Variants in ABCC11 observed in about 807,000 individuals in gnomAD.
The protein encoded by ABCC11 is ATP-binding cassette sub-family C member 11.
A neutral mutation model predicts 149.3 loss-of-function variants in ABCC11; 135 were observed. That is an observed-to-expected ratio of 0.90 (90% CI 0.79 to 1.04). The LOEUF (loss-of-function observed/expected upper bound fraction) is 1.04, where lower values mean the gene tolerates loss of function less well. Among genes scored for constraint, ABCC11 ranks in the 50% least tolerant of loss-of-function variants. ABCC11 has a pLI of 0.00. For missense variants in ABCC11, 1,680 were observed against 1,722.1 expected (o/e 0.98, Z 0.43); for synonymous variants, 665 against 671.4 (o/e 0.99, Z 0.15).
intron 24 of ABCC11, among the ~76,000 whole-genome samples, chr16:48,177,452 G>C (rs1446787395): frequency 6.6e-6 from 1 of 152,268 alleles, no homozygotes; most frequent in Non-Finnish European, 1.5e-5. Context: ...GGGGTTCATA[G>C]CTCAGAGCCC....
At position 48,206,709 on chromosome 16, in the gene ABCC11, C is replaced by A. The variant is rs148197587; in HGVS notation, c.1681-1172G>T. The stretch of plus-strand genomic sequence containing the variant: ...GTGGTCTTGCCTGGAGGCTGCCAGG[C>A]AATGCTGCTGTGATGTAGAACAGAG... On this transcript the variant is annotated intron_variant, in intron 12 of 29. Transcript: ENST00000356608. Among the ~76,000 whole-genome samples, 246 of 152,316 alleles carry A rather than the reference C, an allele frequency of 1.6e-3. 3 individuals carry two copies. Among genetic ancestry groups the A allele is most frequent in the African/African-American group, 5.6e-3 (234 of 41,576 alleles).
chr16:48,236,786 C>CCCACA (rs1319387801), intron 1 of ABCC11, among the ~76,000 whole-genome samples: 3 of 152,296 alleles, frequency 2.0e-5, no homozygotes, highest in Non-Finnish European at 4.4e-5. Flanking sequence ...TGGGCCTATT[C>CCCACA]CCACACCACA....
chr16:48,224,239 T>G, intron 5 of ABCC11, 43 bp downstream of exon 5: 2 of 1,597,486 alleles, frequency 1.3e-6, no homozygotes, highest in Non-Finnish European at 1.7e-6. Flanking sequence ...GCTAAACCTC[T>G]GAAGCCTAGA....
intron 1 of ABCC11, chr16:48,244,278 C>A: frequency 2.7e-6 from 2 of 745,844 alleles, no homozygotes; most frequent in Non-Finnish European, 4.1e-6. Flanking sequence ...TAGCGCGTAG[C>A]CGGAAGCGGA....
chr16:48,222,673 G>A lies in ABCC11; in HGVS notation c.702C>T (p.Phe234=). Residue 234 remains phenylalanine, a synonymous_variant, in exon 6 of 30, where the codon TTC becomes TTT. Transcript: ENST00000356608. ...WIINQRTAIR[F]RAAVSSFAFE... ...AGGCAAAGGAGGAAACAGCTGCTCG[G>A]AACCTGATGGCTGTGCGTTGGTTGA... is the stretch of plus-strand genomic sequence containing the variant. 1 of 1,614,208 alleles carries A rather than the reference G, an allele frequency of 6.2e-7. No homozygotes were observed. The highest frequency in any genetic ancestry group is 8.5e-7 in the Non-Finnish European group (1 of 1,180,046).
In ABCC11 at chr16:48,184,493, T is replaced by C; in HGVS notation, c.3205A>G (p.Ile1069Val). Residue 1069 changes from isoleucine (I) to valine (V), a missense_variant, in exon 23 of 30, where the codon ATT becomes GTT. Ile to Val is a conservative substitution (Grantham distance 29). Transcript: ENST00000356608. ...LAVALFVAFG[I>V]SSTPYSFKVM... ...TTAAAGGAGTAGGGGGTGGAGGAAA[T>C]GCCAAAAGCCACGAACAGGGCAACA... 1.2e-6 allele frequency: 2 copies of C among 1,614,066 alleles called. No homozygotes were observed. Among genetic ancestry groups the C allele is most frequent in the Non-Finnish European group, 1.7e-6 (2 of 1,180,002 alleles).
chr16:48,167,174 T>C lies in ABCC11; in HGVS notation c.*100A>G. The C allele has an allele frequency of 3.6e-6, 2 of 551,144 alleles. No homozygotes were observed. Among genetic ancestry groups the C allele is most frequent in the Non-Finnish European group, 3.5e-6 (1 of 284,238 alleles). The allele number at this position is 551,144 out of a possible 1,614,324, so 34.1% of individuals were successfully genotyped here. A position where few individuals can be genotyped will look rare whatever the true frequency, so the allele number is the denominator to read the frequency against. ...TTACCCCTGCTTCCAGGAGAAGTTC[T>C]CATCTCCAAACAAGAAGGTCGCAGA... On this transcript the variant is annotated 3_prime_UTR_variant, in exon 30 of 30. Transcript: ENST00000356608.
chr16:48,245,512 T>C (rs573384978), intron 1 of ABCC11, among the ~76,000 whole-genome samples: 9 of 152,326 alleles, frequency 5.9e-5, no homozygotes, highest in African/African-American at 1.9e-4. Context: ...GTAGTGCATG[T>C]GGCTCGTCAA....
At chr16:48,207,422 T>C (rs1247200589) in intron 12 of ABCC11, among the ~76,000 whole-genome samples, 1 of 152,054 alleles carries the variant, frequency 6.6e-6, no homozygotes, top group Non-Finnish European at 1.5e-5. Flanking sequence ...TCCCAGCACT[T>C]TGGAAAGCTG....
chr16:48,245,922 G>A (rs1399413911), intron 1 of ABCC11, among the ~76,000 whole-genome samples: 1 of 152,042 alleles, frequency 6.6e-6, no homozygotes, highest in African/African-American at 2.4e-5. Context: ...TGGAGGTGTT[G>A]TGTTTTCAGT....
chr16:48,201,065 C>G (rs1287332177), intron 14 of ABCC11, among the ~76,000 whole-genome samples: 2 of 152,114 alleles, frequency 1.3e-5, no homozygotes, highest in East Asian at 3.8e-4. Flanking sequence ...TAAATTGCTT[C>G]TCAATTAATT....
chr16:48,205,204 G>A (rs1278256161), intron 13 of ABCC11, among the ~76,000 whole-genome samples: 9 of 152,258 alleles, frequency 5.9e-5, no homozygotes, highest in Admixed American at 2.6e-4. Flanking sequence ...GGGTGACTTC[G>A]GGCAAATTAT....
Position 48,200,393 on chromosome 16 carries a change from G to C in ABCC11, c.1965C>G (p.Tyr655Ter), listed in dbSNP as rs750766058. ...CAGCAGACAGGGGGTCGTCCAGCAG[G>C]TAGATCTGACGGTCGGAATAGACGG... ...ARAVYSDRQI[Y>*]LLDDPLSAVD... The change falls in exon 15 of 30, where the codon TAC becomes TAG. Residue 655 changes from tyrosine (Y) to a stop codon, truncating the protein, a stop_gained. Coordinates refer to ENST00000356608, the MANE Select transcript of ABCC11 (RefSeq NM_001370497.1). LOFTEE classifies it high-confidence loss of function. 6.8e-6 allele frequency: 11 copies of C among 1,614,132 alleles called. No homozygotes were observed. The highest frequency in any genetic ancestry group is 6.6e-5 in the South Asian group (6 of 91,090).
At chr16:48,235,780 C>G (rs185602828) in intron 1 of ABCC11, among the ~76,000 whole-genome samples, 3 of 152,344 alleles carry the variant, frequency 2.0e-5, no homozygotes, top group South Asian at 2.1e-4. Context: ...AGAGAGGAAA[C>G]AGCAGATGCT....
intron 22 of ABCC11, among the ~76,000 whole-genome samples, chr16:48,186,567 T>C (rs1966757490): frequency 1.3e-5 from 2 of 152,224 alleles, no homozygotes; most frequent in Admixed American, 6.5e-5. Context: ...TGAAGGAAGT[T>C]CTATTATTTA....
At chr16:48,215,714 AC>A (rs1969289927) in intron 7 of ABCC11, among the ~76,000 whole-genome samples, 1 of 152,172 alleles carries the variant, frequency 6.6e-6, no homozygotes, top group African/African-American at 2.4e-5. Flanking sequence ...ATTTTATTTC[AC>A]CTGAATCTTT....
chr16:48,194,040 G>C, intron 18 of ABCC11, 58 bp from the exon 19 acceptor site: 1 of 1,279,350 alleles, frequency 7.8e-7, no homozygotes, highest in Non-Finnish European at 1.1e-6. Flanking sequence ...GGCAACTGCT[G>C]ACTCAGCTGC....
chr16:48,186,974 T>C lies in ABCC11; in HGVS notation c.3050A>G (p.Lys1017Arg). ...QGLSSIHVYG[K>R]TEDFISQFKR... is the part of the protein sequence containing the mutation. ...TCACTGGCTGATGAAGTCTTCAGTTTTTCCATAGACATGGATGGAGCTCAG... is the reference window on the plus strand; with the variant it reads ...TCACTGGCTGATGAAGTCTTCAGTTCTTCCATAGACATGGATGGAGCTCAG... The change falls in exon 22 of 30, where the codon AAA becomes AGA. Residue 1017 changes from lysine to arginine, a missense_variant. Physicochemically the swap from Lys to Arg is conservative, Grantham distance 26. Transcript: ENST00000356608. The C allele has an allele frequency of 2.5e-6, 4 of 1,614,166 alleles. No homozygotes were observed. The highest frequency in any genetic ancestry group is 3.4e-6 in the Non-Finnish European group (4 of 1,180,034).
At chr16:48,178,773 T>C (rs1966252198) in intron 23 of ABCC11, 87 bp from the exon 24 acceptor site, 1 of 1,200,136 alleles carries the variant, frequency 8.3e-7, no homozygotes, top group African/African-American at 1.5e-5. Flanking sequence ...CTGATTGCCA[T>C]TGCCCCTGAG....
Sources: gnomAD v4.1 joint callset for allele counts (sites outside exome capture counted in the v4.1 genomes callset) on GRCh38, gnomAD v4.1.1 for gene constraint, MANE v1.5 for transcripts, NCBI Gene and HGNC (gene_info 2026-07-23, HGNC 2026-07-21) for gene names.